The following TMEM116 variants were observed in gnomAD, a reference collection of about 807,000 sequenced individuals.
The protein encoded by TMEM116 is transmembrane protein 116.
TMEM116 carries 38 observed loss-of-function variants against 44.3 expected under a neutral mutation model. The observed-to-expected ratio is 0.86, with a 90% CI of 0.66 to 1.12. TMEM116 has a LOEUF of 1.12. TMEM116 is among the 50% of genes most tolerant of loss of function. The pLI is 0.00. For missense variants in TMEM116, 354 were observed against 401.7 expected (o/e 0.88, Z 1.01); for synonymous variants, 132 against 144.8 (o/e 0.91, Z 0.64).
intron 4 of TMEM116, among the ~76,000 whole-genome samples, chr12:111,976,404 C>T (rs1289726464): frequency 6.6e-6 from 1 of 151,796 alleles, no homozygotes; most frequent in Non-Finnish European, 1.5e-5. Context: ...CGCTTGAAAC[C>T]GGAAGGCGGA....
In TMEM116 at chr12:111,936,698, G is replaced by T; in HGVS notation, c.582C>A (p.Thr194=). 1 of 1,613,830 alleles carries T rather than the reference G, an allele frequency of 6.2e-7. No individual in the cohort carries two copies. Among genetic ancestry groups the T allele is most frequent in the South Asian group, 1.1e-5 (1 of 91,030 alleles). Residue 194 remains threonine (T), a synonymous_variant, in exon 8 of 11, where the codon ACC becomes ACA. Transcript: ENST00000552374. The part of the protein sequence containing the change: ...FLGSFVLSLL[T]IMVLLIRAQT... ...AGGTAGGGTGGTACCATACCATAAT[G>T]GTAAGGAGGCTGAGTACAAAGCTGC...
At chr12:112,001,875 A>G (rs1335121499) in intron 3 of TMEM116, among the ~76,000 whole-genome samples, 5 of 152,164 alleles carry the variant, frequency 3.3e-5, no homozygotes, top group Non-Finnish European at 7.4e-5. Flanking sequence ...TTCATTGGAC[A>G]TTATATTTTG....
At chr12:111,990,969 C>T (rs2076529140) in intron 4 of TMEM116, among the ~76,000 whole-genome samples, 1 of 152,014 alleles carries the variant, frequency 6.6e-6, no homozygotes, top group Admixed American at 6.6e-5. Context: ...ACCTGTAATC[C>T]CAGCACTTTG....
At chr12:111,939,657 TA>T (rs921201436) in intron 5 of TMEM116, among the ~76,000 whole-genome samples, 550 of 125,934 alleles carry the variant, frequency 4.4e-3, no homozygotes, top group Admixed American at 4.4e-3. Flanking sequence ...AAACTACAAT[TA>T]AAAAAAAAAA....
At chr12:111,977,166 TATC>T (rs2075712629) in intron 4 of TMEM116, among the ~76,000 whole-genome samples, 1 of 151,962 alleles carries the variant, frequency 6.6e-6, no homozygotes, top group Non-Finnish European at 1.5e-5. Context: ...CACCTAGAAA[TATC>T]ATATTCAAAC....
chr12:111,937,452 A>T (rs1183562741), intron 6 of TMEM116, among the ~76,000 whole-genome samples: 5 of 152,192 alleles, frequency 3.3e-5, no homozygotes, highest in Non-Finnish European at 7.3e-5. Flanking sequence ...TAGGGAATTA[A>T]TTTTATACCT....
intron 4 of TMEM116, among the ~76,000 whole-genome samples, chr12:111,963,944 G>A (rs184501090): frequency 2.0e-4 from 30 of 151,854 alleles, no homozygotes; most frequent in African/African-American, 5.3e-4. Flanking sequence ...TGTCTCAAAT[G>A]TTATTTCTTT....
chr12:111,993,790 A>G, intron 3 of TMEM116: 8 of 733,826 alleles, frequency 1.1e-5, no homozygotes, highest in South Asian at 8.1e-5. Flanking sequence ...AGCAGGTTAC[A>G]TACCTGGAGT....
Position 111,937,252 on chromosome 12 carries a change from G to A in TMEM116, c.366-9C>T. 6.2e-7 allele frequency: 1 copy of A among 1,608,772 alleles called. No homozygotes were observed. Among genetic ancestry groups the A allele is most frequent in the South Asian group, 1.1e-5 (1 of 90,824 alleles). On this transcript the variant is annotated splice_polypyrimidine_tract_variant and intron_variant, in intron 6 of 10. Coordinates refer to ENST00000552374, the MANE Select transcript of TMEM116 (RefSeq NM_001193531.2). ...ATAGCAGAGGTATCAGGCTGGGAGG[G>A]AAAAAAAGTATCACCCTAATATCCA...
chr12:111,934,154 T>G, intron 8 of TMEM116, 124 bp from the exon 9 acceptor site: 33 of 1,127,920 alleles, frequency 2.9e-5, no homozygotes, highest in Non-Finnish European at 3.4e-5. Flanking sequence ...CCCCATTCTC[T>G]TGTCTTTACT....
At chr12:111,962,590 G>A (rs547534716) in intron 4 of TMEM116, among the ~76,000 whole-genome samples, 64 of 152,308 alleles carry the variant, frequency 4.2e-4, no homozygotes, top group African/African-American at 1.2e-3. Flanking sequence ...AATAAATGGC[G>A]TTGGAAAAAC....
At chr12:111,988,305 T>G (rs1328636519) in intron 4 of TMEM116, among the ~76,000 whole-genome samples, 1 of 152,162 alleles carries the variant, frequency 6.6e-6, no homozygotes, top group Non-Finnish European at 1.5e-5. Flanking sequence ...TTAAAAGAAG[T>G]AAGATTGTAA....
intron 1 of TMEM116, chr12:112,005,643 C>T (rs561072855): frequency 5.2e-6 from 5 of 961,076 alleles, no homozygotes; most frequent in Admixed American, 6.0e-5. Flanking sequence ...AAGACGATCA[C>T]TTGAGGCCAG....
At chr12:112,001,704 ACTCAAATT>A (rs1471359708) in intron 3 of TMEM116, among the ~76,000 whole-genome samples, 1 of 152,238 alleles carries the variant, frequency 6.6e-6, no homozygotes, top group Non-Finnish European at 1.5e-5. Context: ...TCACATCTGA[ACTCAAATT>A]CCAGCAAAGG....
In TMEM116 at chr12:111,991,860, A is replaced by C. The variant is rs917474927; in HGVS notation, c.108T>G (p.Cys36Trp). The C allele has an allele frequency of 4.2e-5, 64 of 1,535,928 alleles. No homozygotes were observed. The highest frequency in any genetic ancestry group is 5.3e-5 in the Non-Finnish European group (61 of 1,146,602). Residue 36 changes from cysteine to tryptophan, a missense_variant, in exon 4 of 11, where the codon TGT becomes TGG. Physicochemically the swap from Cys to Trp is radical, Grantham distance 215. Transcript: ENST00000552374. ...GCCAGCAAAGTCCCAGGAGCAGGTCACAGAAGCTCAGATAAAAAAGTGGTC... is the reference window on the plus strand; with the variant it reads ...GCCAGCAAAGTCCCAGGAGCAGGTCCCAGAAGCTCAGATAAAAAAGTGGTC... The part of the protein sequence containing the change: ...EIRPLFYLSF[C>W]DLLLGLCWLT...
At chr12:111,962,362 T>C (rs7974550) in intron 4 of TMEM116, among the ~76,000 whole-genome samples, 29,779 of 151,872 alleles carry the variant, frequency 0.2, 3,130 homozygotes, top group Middle Eastern at 0.27. Flanking sequence ...GCCAAGACAA[T>C]CCTAAACAAA....
At chr12:111,976,824 T>C (rs2075696954) in intron 4 of TMEM116, among the ~76,000 whole-genome samples, 1 of 151,880 alleles carries the variant, frequency 6.6e-6, no homozygotes, top group African/African-American at 2.4e-5. Flanking sequence ...GTAATAGACA[T>C]AAAGAAAGGG....
intron 4 of TMEM116, among the ~76,000 whole-genome samples, chr12:111,980,956 TC>T (rs992319921): frequency 4.0e-5 from 6 of 151,752 alleles, no homozygotes; most frequent in African/African-American, 1.2e-4. Context: ...TGCCTGTAGT[TC>T]CAGCTACTCT....
At chr12:111,968,992 C>CAAAAAAAAAA (rs1176204219) in intron 4 of TMEM116, among the ~76,000 whole-genome samples, 35 of 44,436 alleles carry the variant, frequency 7.9e-4, no homozygotes, top group Admixed American at 1.2e-3. Context: ...GACTCTATCT[C>CAAAAAAAAAA]AAAAAAAAAA....
Sources: gnomAD v4.1 joint callset for allele counts (sites outside exome capture counted in the v4.1 genomes callset) on GRCh38, gnomAD v4.1.1 for gene constraint, MANE v1.5 for transcripts, NCBI Gene and HGNC (gene_info 2026-07-23, HGNC 2026-07-21) for gene names.